The following PTPRD variants were observed in gnomAD, a reference collection of about 807,000 sequenced individuals.
PTPRD encodes receptor-type tyrosine-protein phosphatase delta.
In PTPRD, 34 loss-of-function variants were observed where a neutral mutation model predicts 214.5. The observed-to-expected ratio is 0.16, with a 90% confidence interval of 0.12 to 0.21. PTPRD has a LOEUF of 0.21. Among genes scored for constraint, PTPRD ranks in the 10% least tolerant of loss-of-function variants. The pLI is 1.00. For missense variants in PTPRD, 2,545 were observed against 2,398.7 expected (o/e 1.06, Z -1.27); for synonymous variants, 1,128 against 845.7 (o/e 1.33, Z -5.79).
At chr9:8,918,444 TA>T (rs911751759) in intron 11 of PTPRD, among the ~76,000 whole-genome samples, 34 of 151,946 alleles carry the variant, frequency 2.2e-4, no homozygotes, top group Non-Finnish European at 4.6e-4. Flanking sequence ...TTTTTAGCAG[TA>T]AAAAAAATTC....
intron 5 of PTPRD, among the ~76,000 whole-genome samples, chr9:9,838,378 C>G (rs557281976): frequency 6.6e-6 from 1 of 151,950 alleles, no homozygotes; most frequent in East Asian, 1.9e-4. Flanking sequence ...AGTTTACAGT[C>G]CCACCAACAG....
chr9:8,946,422 A>G (rs1588610336), intron 11 of PTPRD, among the ~76,000 whole-genome samples: 1 of 152,032 alleles, frequency 6.6e-6, no homozygotes, highest in Non-Finnish European at 1.5e-5. Context: ...CTTTACCTCT[A>G]CCAGCCTCAT....
chr9:8,700,901 TC>T (rs1241593054), intron 12 of PTPRD: 1 of 152,120 alleles, frequency 6.6e-6, no homozygotes, highest in Non-Finnish European at 1.5e-5. Flanking sequence ...GTAAAATTTT[TC>T]CTGTAATCCC....
intron 7 of PTPRD, among the ~76,000 whole-genome samples, chr9:9,680,799 C>G (rs2097051974): frequency 6.6e-6 from 1 of 151,698 alleles, no homozygotes; most frequent in Non-Finnish European, 1.5e-5. Flanking sequence ...GCTGCTTGAG[C>G]TGATTAACTG....
chr9:10,348,034 G>C (rs543280984), intron 2 of PTPRD, among the ~76,000 whole-genome samples: 1 of 152,000 alleles, frequency 6.6e-6, no homozygotes, highest in South Asian at 2.1e-4. Flanking sequence ...CTCCAGCCTG[G>C]GAAGCAGAGC....
chr9:8,616,901 A>G (rs1436708098), intron 14 of PTPRD, among the ~76,000 whole-genome samples: 2 of 152,148 alleles, frequency 1.3e-5, no homozygotes, highest in Non-Finnish European at 2.9e-5. Flanking sequence ...AAACTCATCC[A>G]GACCTTCAGT....
Position 8,754,100 on chromosome 9 carries a change from G to A in PTPRD, c.-103-20154C>T, listed in dbSNP as rs150622111. Among the ~76,000 whole-genome samples the A allele has an allele frequency of 7.3e-3, 1,116 of 152,132 alleles. 5 individuals are homozygous for A. The highest frequency in any genetic ancestry group is 0.011 in the Non-Finnish European group (728 of 67,998). On this transcript the variant is annotated intron_variant, in intron 11 of 45. Coordinates refer to ENST00000381196, the MANE Select transcript of PTPRD (RefSeq NM_002839.4). ...GCAGAGGGTGCAGTGAGCTGAGATC[G>A]CACCACTGCACTCCAGCCTGGGTGA...
At chr9:9,145,919 C>T (rs1201524688) in intron 10 of PTPRD, among the ~76,000 whole-genome samples, 1 of 152,204 alleles carries the variant, frequency 6.6e-6, no homozygotes, top group Non-Finnish European at 1.5e-5. Context: ...GTATCATCAA[C>T]CAATGCAGCC....
intron 10 of PTPRD, among the ~76,000 whole-genome samples, chr9:9,053,384 AATGATGATG>A (rs147341142): frequency 6.6e-6 from 1 of 151,362 alleles, no homozygotes; most frequent in African/African-American, 2.4e-5. Flanking sequence ...TATGATGGCC[AATGATGATG>A]ATGATGATGA....
At chr9:9,915,069 T>A (rs760049460) in intron 5 of PTPRD, among the ~76,000 whole-genome samples, 7 of 152,158 alleles carry the variant, frequency 4.6e-5, no homozygotes, top group Admixed American at 3.3e-4. Flanking sequence ...CTCGCCATTA[T>A]CACCACAAAC....
chr9:9,788,639 C>A (rs1363880238), intron 5 of PTPRD, among the ~76,000 whole-genome samples: 2 of 149,914 alleles, frequency 1.3e-5, no homozygotes, highest in South Asian at 2.1e-4. Flanking sequence ...CCCGTAGACA[C>A]AGTATATAAT....
chr9:10,360,481 T>A (rs1255590939), intron 2 of PTPRD, among the ~76,000 whole-genome samples: 3 of 152,214 alleles, frequency 2.0e-5, no homozygotes, highest in African/African-American at 7.2e-5. Context: ...GTTCCCTCTA[T>A]CATTCTCCTT....
At chr9:10,343,426 T>C (rs1597573665) in intron 2 of PTPRD, among the ~76,000 whole-genome samples, 1 of 152,150 alleles carries the variant, frequency 6.6e-6, no homozygotes, top group South Asian at 2.1e-4. Flanking sequence ...TGAATAGTGC[T>C]GCAATATACA....
intron 9 of PTPRD, among the ~76,000 whole-genome samples, chr9:9,189,239 T>C (rs1011879779): frequency 6.6e-6 from 1 of 152,044 alleles, no homozygotes; most frequent in Non-Finnish European, 1.5e-5. Context: ...GGAAAAATCA[T>C]GGAATTTTAT....
At chr9:10,119,784 T>G (rs983511682) in intron 3 of PTPRD, among the ~76,000 whole-genome samples, 1 of 152,068 alleles carries the variant, frequency 6.6e-6, no homozygotes, top group African/African-American at 2.4e-5. Flanking sequence ...AGCAGTCATG[T>G]GCATTACTAT....
At chr9:9,477,652 G>A (rs913286884) in intron 8 of PTPRD, among the ~76,000 whole-genome samples, 7 of 152,046 alleles carry the variant, frequency 4.6e-5, no homozygotes, top group South Asian at 2.1e-4. Flanking sequence ...ACTGATATCC[G>A]TGCAAGGAAC....
At chr9:9,521,170 G>T in intron 8 of PTPRD, among the ~76,000 whole-genome samples, 1 of 152,110 alleles carries the variant, frequency 6.6e-6, no homozygotes, top group East Asian at 1.9e-4. Context: ...ACTGATTCAG[G>T]TGGTGTTTGA....
intron 7 of PTPRD, among the ~76,000 whole-genome samples, chr9:9,671,742 G>A (rs977321893): frequency 2.7e-4 from 41 of 152,032 alleles, no homozygotes; most frequent in African/African-American, 9.2e-4. Flanking sequence ...TGCCACCACC[G>A]CCATGTCAGA....
intron 4 of PTPRD, among the ~76,000 whole-genome samples, chr9:9,962,448 T>A (rs935370679): frequency 6.6e-6 from 1 of 152,074 alleles, no homozygotes; most frequent in Non-Finnish European, 1.5e-5. Context: ...CTGTTGAACA[T>A]ATTGAACCTT....
Sources: gnomAD v4.1 joint callset for allele counts (sites outside exome capture counted in the v4.1 genomes callset) on GRCh38, gnomAD v4.1.1 for gene constraint, MANE v1.5 for transcripts, NCBI Gene and HGNC (gene_info 2026-07-23, HGNC 2026-07-21) for gene names.